ASB12: variants seen among roughly 807,000 people sequenced by gnomAD.
The protein encoded by ASB12 is ankyrin repeat and SOCS box protein 12.
A neutral mutation model predicts 13.7 loss-of-function variants in ASB12; 17 were observed. The observed-to-expected ratio is 1.24, with a 90% confidence interval of 0.85 to 1.86. The LOEUF is 1.86. Ranked by LOEUF, ASB12 falls within the 40% of genes most tolerant of loss-of-function variation. ASB12 has a pLI of 0.00. For missense variants in ASB12, 329 were observed against 250.5 expected, an observed-to-expected ratio of 1.31 and a Z score of -2.11; for synonymous variants, 107 against 99.8, an observed-to-expected ratio of 1.07 and a Z score of -0.43.
At chrX:64,227,403 T>C (rs765057847) in intron 1 of ASB12, among the ~76,000 whole-genome samples, 1 of 111,690 alleles carries the variant, frequency 9.0e-6, no homozygotes, top group Non-Finnish European at 1.9e-5. Flanking sequence ...CACTCAAACA[T>C]ACACCAAGAA....
In ASB12 at chrX:64,224,330, C is replaced by A. The variant is rs759017776; in HGVS notation, c.*5G>T. The A allele has an allele frequency of 8.3e-7, 1 of 1,210,301 alleles. No homozygotes were observed. Among genetic ancestry groups the A allele is most frequent in the South Asian group, 1.8e-5 (1 of 56,861 alleles). On this transcript the variant is annotated 3_prime_UTR_variant, in exon 3 of 3. Coordinates refer to ENST00000362002, the MANE Select transcript of ASB12 (RefSeq NM_130388.4). ...GCATCATAAGTTCCTGGGGAGACTG[C>A]AAGATTACAGTTGGTGTTTTAGGTA...
chrX:64,224,225 A>T lies in ASB12; in HGVS notation c.*110T>A, dbSNP rs1241673739. The T allele has an allele frequency of 6.8e-6, 6 of 881,648 alleles. No homozygotes were observed. Among genetic ancestry groups the T allele is most frequent in the Non-Finnish European group, 9.7e-6 (6 of 617,833 alleles). 72.7% of individuals were successfully genotyped at this position (881,648 alleles called of 1,213,427 possible). On this transcript the variant is annotated 3_prime_UTR_variant, in exon 3 of 3. Transcript: ENST00000362002. ...TCTGGAGAATTTTATTGTGGAGGAT[A>T]ATACAGGAGAGCAGCTCCAGGTAAG...
At position 64,224,412 on chromosome X, in the gene ASB12, G is replaced by T; in HGVS notation, c.880C>A (p.Gln294Lys). The T allele has an allele frequency of 8.3e-7, 1 of 1,209,465 alleles. No individual in the cohort carries two copies. The highest frequency in any genetic ancestry group is 1.1e-6 in the Non-Finnish European group (1 of 893,552). ...VRLVVRRALCQAGQPQAINQL... is the reference protein window; with the variant it reads ...VRLVVRRALCKAGQPQAINQL... Reference sequence around the variant, plus strand: ...TTGATGGCTTGTGGCTGGCCAGCCTGGCACAAGGCTCTGCGGACGACTAAA... The same window carrying T: ...TTGATGGCTTGTGGCTGGCCAGCCTTGCACAAGGCTCTGCGGACGACTAAA... Residue 294 changes from glutamine to lysine, a missense_variant, in exon 3 of 3, where the codon CAG becomes AAG. Gln to Lys is a moderately conservative substitution (Grantham distance 53). Transcript: ENST00000362002.
intron 1 of ASB12, among the ~76,000 whole-genome samples, chrX:64,229,145 C>T (rs1343249094): frequency 8.9e-6 from 1 of 111,765 alleles, no homozygotes; most frequent in Non-Finnish European, 1.9e-5. Flanking sequence ...CCAGGGTCTT[C>T]GGTAATGGAA....
intron 1 of ASB12, among the ~76,000 whole-genome samples, chrX:64,227,524 C>T (rs1930971855): frequency 9.0e-6 from 1 of 111,566 alleles, no homozygotes; most frequent in Non-Finnish European, 1.9e-5. Context: ...TCCCTACAAA[C>T]TCCTCCATCA....
In ASB12 at chrX:64,224,507, A is replaced by G. The variant is rs746075982; in HGVS notation, c.824-39T>C. The G allele has an allele frequency of 4.2e-6, 5 of 1,178,704 alleles. No individual in the cohort carries two copies. The East Asian group carries it at 1.5e-4, about 36-fold the overall frequency. On this transcript the variant is annotated intron_variant, in intron 2 of 2. Transcript: ENST00000362002. ...AAACAGGTCATGAGGAGCAATTATC[A>G]GCAAAATTCTCCCACACAAGCCTAC...
rs374475644 is a variant in ASB12, at chrX:64,225,513, G to A, written c.138C>T (p.Asn46=). ...KQALNQAVYD[N]DSYTLDQLLR... is the part of the protein sequence containing the mutation. ...AAAGCTGGTCCAAAGTATAGGAGTCGTTGTCATACACTGCTTGATTGAGAG... is the reference window on the plus strand; with the variant it reads ...AAAGCTGGTCCAAAGTATAGGAGTCATTGTCATACACTGCTTGATTGAGAG... The change falls in exon 2 of 3, where the codon AAC becomes AAT. Residue 46 remains asparagine (N), a synonymous_variant. Transcript: ENST00000362002. 2.0e-4 allele frequency: 237 copies of A among 1,208,545 alleles called. No homozygotes were observed. Among genetic ancestry groups the A allele is most frequent in the Middle Eastern group, 4.6e-4 (2 of 4,351 alleles).
intron 1 of ASB12, among the ~76,000 whole-genome samples, chrX:64,227,167 C>T (rs962200158): frequency 9.0e-6 from 1 of 111,340 alleles, no homozygotes; most frequent in African/African-American, 3.3e-5. Context: ...GTCACTTTCT[C>T]ATGAGGTTAT....
Position 64,224,578 on chromosome X carries a change from C to A in ASB12, c.824-110G>T, listed in dbSNP as rs1569197953. The A allele has an allele frequency of 5.3e-6, 5 of 949,755 alleles. No individual in the cohort carries two copies. The Admixed American group carries it at 9.6e-5, about 18-fold the overall frequency. The allele number at this position is 949,755 out of a possible 1,213,427, so 78.3% of individuals were successfully genotyped here. A position where few individuals can be genotyped will look rare whatever the true frequency, so the allele number is the denominator to read the frequency against. On this transcript the variant is annotated intron_variant, in intron 2 of 2. Transcript: ENST00000362002. ...TACAGCCCTAATGCTCTATCCTTTC[C>A]AAGAAATAAACAGTCATTGGCAGAG...
intron 1 of ASB12, chrX:64,226,629 C>A (rs1411262063): frequency 8.1e-6 from 5 of 620,135 alleles, no homozygotes; most frequent in Non-Finnish European, 9.6e-6. Context: ...TTTGACTCAA[C>A]CTTCAACTCT....
Position 64,227,496 on chromosome X carries a change from A to G in ASB12, c.-24-1822T>C, listed in dbSNP as rs773402116. On this transcript the variant is annotated intron_variant, in intron 1 of 2. Coordinates refer to ENST00000362002, the MANE Select transcript of ASB12 (RefSeq NM_130388.4). ...CTTCCCTGACTTTTCTGGAATATCT[A>G]TCCCTACAGACCACTCCTCCCTACA... is the stretch of plus-strand genomic sequence containing the variant. 4.5e-5 allele frequency among the ~76,000 whole-genome samples: 5 copies of G among 111,025 alleles called. No homozygotes were observed. In the South Asian group the frequency reaches 2.0e-3, roughly 43 times the overall value.
rs765859914 is a variant in ASB12, at chrX:64,224,841, CA to C, written c.809del (p.Leu270ArgfsTer17). 1 of 1,184,937 alleles carries C rather than the reference CA, an allele frequency of 8.4e-7. No homozygotes were observed. Among genetic ancestry groups the C allele is most frequent in the South Asian group, 1.9e-5 (1 of 52,077 alleles). ...TTCACCACTCACCTCGGGCCTGTAGCAGCAATGCAATGCCTTTATCATCTTG... is the reference window on the plus strand; with the variant it reads ...TTCACCACTCACCTCGGGCCTGTAGCGCAATGCAATGCCTTTATCATCTTG... ...TSQDDKGIAL[L>X]LQARATPRSL... On this transcript the variant is annotated frameshift_variant, in exon 2 of 3. Coordinates refer to ENST00000362002, the MANE Select transcript of ASB12 (RefSeq NM_130388.4). LOFTEE classifies it high-confidence loss of function.
At position 64,225,235 on chromosome X, in the gene ASB12, T is replaced by G. The variant is rs1221447201; in HGVS notation, c.416A>C (p.Asn139Thr). The stretch of plus-strand genomic sequence containing the variant: ...GGCAGCTGTGAGCACGGGAGAACAG[T>G]TGTTGTAGATGCTACCACCAGGAGA... ...GASPGGSIYN[N>T]CSPVLTAARD... The change falls in exon 2 of 3, where the codon AAC becomes ACC. Residue 139 changes from asparagine (N) to threonine (T), a missense_variant. Transcript: ENST00000362002. 6 of 1,208,895 alleles carry G rather than the reference T, an allele frequency of 5.0e-6. No individual in the cohort carries two copies. In the Admixed American group the frequency reaches 8.8e-5, roughly 18 times the overall value.
At chrX:64,227,411 G>T (rs1367145075) in intron 1 of ASB12, among the ~76,000 whole-genome samples, 6 of 111,515 alleles carry the variant, frequency 5.4e-5, no homozygotes, top group Admixed American at 4.7e-4. Context: ...CATACACCAA[G>T]AAAGCTCTTC....
intron 1 of ASB12, chrX:64,226,704 C>G (rs1275925000): frequency 1.3e-6 from 1 of 752,116 alleles, no homozygotes; most frequent in Non-Finnish European, 1.6e-6. Flanking sequence ...AACCCAACCT[C>G]TGACCTTACC....
At chrX:64,226,004 C>T (rs750411239) in intron 1 of ASB12, among the ~76,000 whole-genome samples, 33 of 112,619 alleles carry the variant, frequency 2.9e-4, no homozygotes, top group Non-Finnish European at 5.1e-4. Context: ...ACCACATTTC[C>T]GCTTATCTAT....
Position 64,225,453 on chromosome X carries a change from G to A in ASB12, c.198C>T (p.Ser66=). ...TCCCAGGAACACCCCAGCCACTCCT[G>A]CTGTTGATGAAACGTTTGTAACGCT... is the stretch of plus-strand genomic sequence containing the variant. ...RQERYKRFIN[S]RSGWGVPGTP... Residue 66 remains serine (S), a synonymous_variant, in exon 2 of 3, where the codon AGC becomes AGT. Transcript: ENST00000362002. 2 of 1,211,149 alleles carry A rather than the reference G, an allele frequency of 1.7e-6. No individual in the cohort carries two copies. The highest frequency in any genetic ancestry group is 1.8e-5 in the South Asian group (1 of 56,688).
intron 1 of ASB12, among the ~76,000 whole-genome samples, chrX:64,228,499 C>A (rs1930991019): frequency 8.9e-6 from 1 of 111,846 alleles, no homozygotes; most frequent in Admixed American, 9.5e-5. Context: ...GTCACTTAAT[C>A]TCTCTGTGCC....
Position 64,230,569 on chromosome X carries a change from C to G in ASB12, c.-131G>C, listed in dbSNP as rs1931040061. 8.9e-6 allele frequency: 1 copy of G among 111,962 alleles called. No homozygotes were observed. The highest frequency in any genetic ancestry group is 9.4e-5 in the Admixed American group (1 of 10,654). 9.2% of individuals were successfully genotyped at this position (111,962 alleles called of 1,213,427 possible). ...CTTAGGGAGCCCCCACGGCCCCAAC[C>G]TGGAGCAGCTGGGGCTCTCGTTTCC... On this transcript the variant is annotated 5_prime_UTR_variant, in exon 1 of 3. Coordinates refer to ENST00000362002, the MANE Select transcript of ASB12 (RefSeq NM_130388.4).
Sources: gnomAD v4.1 joint callset for allele counts (sites outside exome capture counted in the v4.1 genomes callset) on GRCh38, gnomAD v4.1.1 for gene constraint, MANE v1.5 for transcripts, NCBI Gene and HGNC (gene_info 2026-07-23, HGNC 2026-07-21) for gene names.